CSMD1: variants seen among roughly 807,000 people sequenced by gnomAD.
CSMD1 encodes CUB and Sushi multiple domains 1, also known as CUB and sushi domain-containing protein 1.
A neutral mutation model predicts 417.5 loss-of-function variants in CSMD1; 213 were observed. The ratio of observed to expected loss-of-function variants is 0.51; its 90% CI spans 0.46 to 0.57. The LOEUF is 0.57. CSMD1 is among the 20% of genes least tolerant of loss of function. The pLI is 0.00. For missense variants in CSMD1, 6,923 were observed against 4,529.7 expected (o/e 1.53, Z -15.17); for synonymous variants, 2,862 against 1,736.8 (o/e 1.65, Z -16.11).
At chr8:4,252,763 C>T (rs182366612) in intron 3 of CSMD1, among the ~76,000 whole-genome samples, 5 of 152,200 alleles carry the variant, frequency 3.3e-5, no homozygotes, top group South Asian at 2.1e-4. Flanking sequence ...ACTGCAGTGG[C>T]AGACATACAC....
chr8:3,063,958 A>C (rs1216913321), intron 49 of CSMD1, among the ~76,000 whole-genome samples: 1 of 152,336 alleles, frequency 6.6e-6, no homozygotes, highest in Non-Finnish European at 1.5e-5. Flanking sequence ...ACACTTAAAA[A>C]TGAAAAATAA....
In CSMD1 at chr8:3,225,289, G is replaced by A. The variant is rs1798432712; in HGVS notation, c.4346-1422C>T. Among the ~76,000 whole-genome samples, 3 of 151,910 alleles carry A rather than the reference G, an allele frequency of 2.0e-5. 1 individual carries two copies. The South Asian group carries it at 6.2e-4, about 32-fold the overall frequency. Reference sequence around the variant, plus strand: ...CTGAATGCAAACTCTGAATGCTATTGTAGAAAACATTTATAATAATAAATT... The same window carrying A: ...CTGAATGCAAACTCTGAATGCTATTATAGAAAACATTTATAATAATAAATT... On this transcript the variant is annotated intron_variant, in intron 27 of 69. Coordinates refer to ENST00000635120, the MANE Select transcript of CSMD1 (RefSeq NM_033225.6).
chr8:3,723,576 A>C (rs1802310300), intron 6 of CSMD1, among the ~76,000 whole-genome samples: 1 of 152,236 alleles, frequency 6.6e-6, no homozygotes, highest in Admixed American at 6.5e-5. Flanking sequence ...ATTATTAGAT[A>C]GTCTTTTTGC....
chr8:4,865,127 G>C (rs1331158957), intron 1 of CSMD1, among the ~76,000 whole-genome samples: 2 of 151,542 alleles, frequency 1.3e-5, no homozygotes, highest in Non-Finnish European at 3.0e-5. Flanking sequence ...AAAATTCAAA[G>C]TTTTATAACA....
At chr8:4,525,757 C>T (rs1209040610) in intron 2 of CSMD1, among the ~76,000 whole-genome samples, 1 of 152,164 alleles carries the variant, frequency 6.6e-6, no homozygotes, top group Non-Finnish European at 1.5e-5. Context: ...GCTTATTTCA[C>T]AAGGACAATC....
chr8:4,232,122 T>G (rs1182823017), intron 3 of CSMD1, among the ~76,000 whole-genome samples: 1 of 152,188 alleles, frequency 6.6e-6, no homozygotes, highest in African/African-American at 2.4e-5. Flanking sequence ...TTTCAAGATT[T>G]TCACTTTACT....
Position 4,125,638 on chromosome 8 carries a change from C to G in CSMD1, c.416-93539G>C, listed in dbSNP as rs529984766. On this transcript the variant is annotated intron_variant, in intron 3 of 69. Transcript: ENST00000635120. ...AATTATGTCAGTGACAGAAATCAGA[C>G]CTAACCAACTCTATGTTGCTTCTAA... Among the ~76,000 whole-genome samples the G allele has an allele frequency of 8.5e-5, 13 of 152,298 alleles. No homozygotes were observed. In the East Asian group the frequency reaches 1.9e-3, roughly 23 times the overall value.
intron 7 of CSMD1, among the ~76,000 whole-genome samples, chr8:3,655,238 G>C (rs1200828924): frequency 1.3e-5 from 2 of 152,048 alleles, no homozygotes; most frequent in Admixed American, 6.6e-5. Flanking sequence ...CAAGGTTTTG[G>C]TTACTACAAA....
chr8:2,951,689 T>C (rs942884518), intron 65 of CSMD1, among the ~76,000 whole-genome samples: 17 of 152,160 alleles, frequency 1.1e-4, no homozygotes, highest in African/African-American at 3.9e-4. Flanking sequence ...TTTGAAAGAC[T>C]TGGAAGGCTC....
intron 2 of CSMD1, among the ~76,000 whole-genome samples, chr8:4,424,789 G>C (rs1336473432): frequency 6.6e-6 from 1 of 152,210 alleles, no homozygotes; most frequent in South Asian, 2.1e-4. Context: ...ATATTCGGTT[G>C]TGTAATTATT....
In CSMD1 at chr8:3,367,111, C is replaced by G; in HGVS notation, c.3036G>C (p.Leu1012=). 1 of 1,613,784 alleles carries G rather than the reference C, an allele frequency of 6.2e-7. No individual in the cohort carries two copies. The highest frequency in any genetic ancestry group is 8.5e-7 in the Non-Finnish European group (1 of 1,179,840). ...GAAGCTGGGCAGTGAAGTTTCCAAA[C>G]AGGCCTGCCTTGATCGTATGAGGCA... ...SVLPHTIKAG[L]FGNFTAQLRF... Residue 1012 remains leucine, a synonymous_variant, in exon 20 of 70, where the codon CTG becomes CTC. Coordinates refer to ENST00000635120, the MANE Select transcript of CSMD1 (RefSeq NM_033225.6).
chr8:3,756,705 C>T (rs1039018386), intron 5 of CSMD1, among the ~76,000 whole-genome samples: 9 of 152,160 alleles, frequency 5.9e-5, no homozygotes, highest in Admixed American at 5.2e-4. Context: ...TTTTCACAAC[C>T]GCAATCAATG....
chr8:4,814,720 T>A (rs1490336653), intron 1 of CSMD1, among the ~76,000 whole-genome samples: 1 of 152,154 alleles, frequency 6.6e-6, no homozygotes, highest in African/African-American at 2.4e-5. Context: ...CCCTGTGACA[T>A]AGGTTTCCAG....
intron 12 of CSMD1, among the ~76,000 whole-genome samples, chr8:3,459,207 G>A (rs956170095): frequency 6.6e-6 from 1 of 152,218 alleles, no homozygotes; most frequent in African/African-American, 2.4e-5. Flanking sequence ...TGTGGTGGCT[G>A]CACCGTGGTG....
intron 3 of CSMD1, among the ~76,000 whole-genome samples, chr8:4,335,416 G>C (rs1800109578): frequency 6.6e-6 from 1 of 151,974 alleles, no homozygotes; most frequent in Non-Finnish European, 1.5e-5. Flanking sequence ...ATCTCTTTCT[G>C]AAACACACCA....
At chr8:4,387,934 A>G (rs1230135574) in intron 3 of CSMD1, among the ~76,000 whole-genome samples, 1 of 152,264 alleles carries the variant, frequency 6.6e-6, no homozygotes, top group East Asian at 1.9e-4. Context: ...TCGAGTAACA[A>G]CAAAGGATTT....
chr8:4,058,377 T>C (rs189551836), intron 3 of CSMD1, among the ~76,000 whole-genome samples: 60 of 152,284 alleles, frequency 3.9e-4, no homozygotes, highest in Admixed American at 6.5e-4. Context: ...TTTTTGTCCA[T>C]TGATTTTGTA....
intron 3 of CSMD1, among the ~76,000 whole-genome samples, chr8:4,134,942 A>C (rs997572241): frequency 6.6e-6 from 1 of 152,028 alleles, no homozygotes; most frequent in Non-Finnish European, 1.5e-5. Flanking sequence ...TCATTCCTCA[A>C]CCAACACATC....
chr8:3,770,346 T>A (rs939254289), intron 5 of CSMD1, among the ~76,000 whole-genome samples: 1 of 152,146 alleles, frequency 6.6e-6, no homozygotes, highest in Non-Finnish European at 1.5e-5. Context: ...CTGTCCTATG[T>A]GGTGAAACCC....
Sources: allele counts gnomAD v4.1 joint callset (sites outside exome capture counted in the v4.1 genomes callset), GRCh38; gene constraint gnomAD v4.1.1; transcripts MANE v1.5; gene names NCBI Gene and HGNC (gene_info 2026-07-23, HGNC 2026-07-21).